Variants in FAT3 observed in about 807,000 individuals in gnomAD.
FAT3 encodes the protein FAT atypical cadherin 3, also known as protocadherin Fat 3.
A neutral mutation model predicts 310.2 loss-of-function variants in FAT3; 95 were observed. The ratio of observed to expected loss-of-function variants is 0.31; its 90% CI spans 0.26 to 0.36. FAT3 has a LOEUF of 0.36. Ranked by LOEUF, FAT3 falls within the 10% of genes least tolerant of loss-of-function variation. The pLI, the probability that FAT3 is intolerant of heterozygous loss-of-function variation, is 1.00. For synonymous variants in FAT3, 2,314 were observed against 2,192.9 expected (o/e 1.06, Z -1.54); for missense variants, 5,408 against 5,715.6 (o/e 0.95, Z 1.74).
At chr11:92,448,275 T>G (rs1951267787) in intron 2 of FAT3, among the ~76,000 whole-genome samples, 1 of 152,188 alleles carries the variant, frequency 6.6e-6, no homozygotes, top group Non-Finnish European at 1.5e-5. Flanking sequence ...ATGGTCAGTT[T>G]TTCTCTCTCC....
intron 2 of FAT3, among the ~76,000 whole-genome samples, chr11:92,388,867 G>A (rs537182834): frequency 6.6e-6 from 1 of 152,174 alleles, no homozygotes; most frequent in African/African-American, 2.4e-5. Flanking sequence ...GGACCAGATG[G>A]CAGACTTGTT....
chr11:92,583,842 C>T (rs1938975976), intron 3 of FAT3, among the ~76,000 whole-genome samples: 1 of 148,740 alleles, frequency 6.7e-6, no homozygotes, highest in Non-Finnish European at 1.5e-5. Context: ...TGACTCTACT[C>T]GCCTGCAGAA....
chr11:92,269,910 C>A (rs1042237949), intron 1 of FAT3, among the ~76,000 whole-genome samples: 17 of 152,120 alleles, frequency 1.1e-4, no homozygotes. Context: ...CCCCAAAATT[C>A]ATTTTCTTGC....
At chr11:92,510,854 C>CT (rs1953267052) in intron 2 of FAT3, among the ~76,000 whole-genome samples, 1 of 152,230 alleles carries the variant, frequency 6.6e-6, no homozygotes, top group African/African-American at 2.4e-5. Flanking sequence ...CTCTCAACAA[C>CT]TGTGTTGTGG....
At chr11:92,734,873 C>T (rs1349086859) in intron 4 of FAT3, among the ~76,000 whole-genome samples, 2 of 151,968 alleles carry the variant, frequency 1.3e-5, no homozygotes, top group Non-Finnish European at 2.9e-5. Context: ...AGGAGCATGG[C>T]TTGTGGATAG....
intron 3 of FAT3, among the ~76,000 whole-genome samples, chr11:92,614,570 T>C (rs964542465): frequency 6.6e-6 from 1 of 152,244 alleles, no homozygotes; most frequent in African/African-American, 2.4e-5. Flanking sequence ...TGTCATTTTA[T>C]TATTAAGATA....
At chr11:92,501,156 C>G (rs939861114) in intron 2 of FAT3, among the ~76,000 whole-genome samples, 2 of 151,956 alleles carry the variant, frequency 1.3e-5, no homozygotes, top group Non-Finnish European at 2.9e-5. Context: ...TGTCTTGTAC[C>G]TTTGGGACTG....
chr11:92,409,404 C>A (rs1408523080), intron 2 of FAT3, among the ~76,000 whole-genome samples: 1 of 152,150 alleles, frequency 6.6e-6, no homozygotes, highest in African/African-American at 2.4e-5. Context: ...CATTTCAATA[C>A]ATTTGTAAAT....
intron 2 of FAT3, among the ~76,000 whole-genome samples, chr11:92,431,653 T>G (rs1353419010): frequency 1.3e-5 from 2 of 152,230 alleles, no homozygotes; most frequent in Non-Finnish European, 2.9e-5. Flanking sequence ...AGGTCTAACA[T>G]GTAAGTCTTT....
chr11:92,291,297 T>C (rs2845870), intron 1 of FAT3, among the ~76,000 whole-genome samples: 106,408 of 151,952 alleles, frequency 0.7, 37,474 homozygotes, highest in African/African-American at 0.77. Context: ...AACATGTTAA[T>C]GAAAGGGATC....
chr11:92,690,593 A>AT (rs1347321617), intron 3 of FAT3, among the ~76,000 whole-genome samples: 1 of 151,706 alleles, frequency 6.6e-6, no homozygotes, highest in Non-Finnish European at 1.5e-5. Context: ...TCTTTCTGGT[A>AT]TTTTTTCTTT....
At position 92,883,115 on chromosome 11, in the gene FAT3, A is replaced by G. The variant is rs1211728308; in HGVS notation, c.12659A>G (p.Asn4220Ser). Reference protein sequence around the residue: ...RNLRGSGDGRNVYQEVGPPQV... With the variant: ...RNLRGSGDGRSVYQEVGPPQV... Reference sequence around the variant, plus strand: ...CTGCGCGGCAGTGGGGACGGCCGCAACGTCTACCAGGAGGTGGGGCCCCCG... The same window carrying G: ...CTGCGCGGCAGTGGGGACGGCCGCAGCGTCTACCAGGAGGTGGGGCCCCCG... The change falls in exon 24 of 28, where the codon AAC becomes AGC. Residue 4220 changes from asparagine (N) to serine (S), a missense_variant. Asn to Ser is a conservative substitution (Grantham distance 46, BLOSUM62 1). Transcript: ENST00000525166. This position sits in a 1 kb window ranked among gnomAD's most constrained non-coding sequence, Gnocchi z 4.2. 3 of 1,613,806 alleles carry G rather than the reference A, an allele frequency of 1.9e-6. No homozygotes were observed. The highest frequency in any genetic ancestry group is 2.5e-6 in the Non-Finnish European group (3 of 1,179,886).
Position 92,798,092 on chromosome 11 carries a change from C to G in FAT3, c.5079C>G (p.Ile1693Met). 1 of 1,613,924 alleles carries G rather than the reference C, an allele frequency of 6.2e-7. No homozygotes were observed. The highest frequency in any genetic ancestry group is 1.3e-5 in the African/African-American group (1 of 75,034). Residue 1693 changes from isoleucine to methionine, a missense_variant, in exon 10 of 28, where the codon ATC (isoleucine) becomes ATG (methionine). Ile to Met is a conservative substitution (Grantham distance 10). This residue lies in a region of FAT3 where 4,588 missense variants were observed against 4,809.8 expected (regional missense o/e 0.95). Coordinates refer to ENST00000525166, the MANE Select transcript of FAT3 (RefSeq NM_001367949.2). ...ACATTGGAACATCAGTCATTCTAAT[C>G]TCTGCCATCAGTCAATCTACCCTCA... is the stretch of plus-strand genomic sequence containing the variant. ...NVDIGTSVIL[I>M]SAISQSTLIY...
rs147076900 is a variant in FAT3, at chr11:92,234,548, C to T, written c.-18+9374C>T. Among the ~76,000 whole-genome samples, 923 of 152,224 alleles carry T rather than the reference C, an allele frequency of 6.1e-3. 13 individuals are homozygous for T. Among genetic ancestry groups the T allele is most frequent in the African/African-American group, 0.021 (869 of 41,536 alleles). ...TTGGGAGGCTGAGGCAGGCAGATCA[C>T]CTGAGGTCAGCAGTTCGAGACCTGC... On this transcript the variant is annotated intron_variant, in intron 1 of 27. Coordinates refer to ENST00000525166, the MANE Select transcript of FAT3 (RefSeq NM_001367949.2).
chr11:92,612,538 T>C (rs1488196412), intron 3 of FAT3, among the ~76,000 whole-genome samples: 1 of 152,168 alleles, frequency 6.6e-6, no homozygotes, highest in African/African-American at 2.4e-5. Flanking sequence ...AGAAGACCAT[T>C]TTTTAAAATG....
intron 4 of FAT3, among the ~76,000 whole-genome samples, chr11:92,733,216 G>T (rs1463110799): frequency 1.3e-5 from 2 of 152,160 alleles, no homozygotes; most frequent in Admixed American, 6.5e-5. Flanking sequence ...GAAGAAACAG[G>T]CTCAGTAACC....
chr11:92,331,520 A>AT (rs1947924312), intron 1 of FAT3, among the ~76,000 whole-genome samples: 1 of 152,172 alleles, frequency 6.6e-6, no homozygotes, highest in South Asian at 2.1e-4. Flanking sequence ...CCTTCTTATT[A>AT]AAGTGTCTGT....
chr11:92,360,039 C>T (rs1948839785), intron 2 of FAT3, among the ~76,000 whole-genome samples: 1 of 151,740 alleles, frequency 6.6e-6, no homozygotes, highest in South Asian at 2.1e-4. Flanking sequence ...GTTCTAGATC[C>T]CTGAGGAATC....
At chr11:92,239,271 C>A (rs1189514733) in intron 1 of FAT3, among the ~76,000 whole-genome samples, 2 of 152,042 alleles carry the variant, frequency 1.3e-5, no homozygotes, top group Non-Finnish European at 2.9e-5. Flanking sequence ...TCTGGCCTGT[C>A]TTCAGCCTTA....
Sources: allele counts gnomAD v4.1 joint callset (sites outside exome capture counted in the v4.1 genomes callset), GRCh38; gene constraint gnomAD v4.1.1; regional missense constraint gnomAD v4.1.1; non-coding constraint Gnocchi (gnomAD v3.1); transcripts MANE v1.5; gene names NCBI Gene and HGNC (gene_info 2026-07-23, HGNC 2026-07-21).